Variants in GALNT16 observed in about 807,000 individuals in gnomAD.
GALNT16 encodes UDP-GalNAc:polypeptide N-acetylgalactosaminyltransferase-like protein 1.
GALNT16 carries 40 observed loss-of-function variants against 76.1 expected under a neutral mutation model. That is an observed-to-expected ratio of 0.53 (90% CI 0.41 to 0.68). The LOEUF is 0.68. Ranked by LOEUF, GALNT16 falls within the 30% of genes least tolerant of loss-of-function variation. The pLI is 0.00. For missense variants in GALNT16, 621 were observed against 731.9 expected, an observed-to-expected ratio of 0.85 and a Z score of 1.75; for synonymous variants, 276 against 285.2, an observed-to-expected ratio of 0.97 and a Z score of 0.32.
At chr14:69,270,029 G>T (rs373099280) in intron 1 of GALNT16, among the ~76,000 whole-genome samples, 24 of 152,142 alleles carry the variant, frequency 1.6e-4, no homozygotes, top group African/African-American at 5.8e-4. Context: ...GCCCGCCTTT[G>T]TCTCCTTGTC....
chr14:69,325,416 C>T lies in GALNT16; in HGVS notation c.502+12C>T, dbSNP rs771741160. On this transcript the variant is annotated intron_variant, in intron 4 of 14. Coordinates refer to ENST00000448469, the MANE Select transcript of GALNT16 (RefSeq NM_001168368.2). ...CTTCAGCTCAGATCGTGAGTAGTCACCTTCCTTTTTGCAGCCCTCCATTCC... is the reference window on the plus strand; with the variant it reads ...CTTCAGCTCAGATCGTGAGTAGTCATCTTCCTTTTTGCAGCCCTCCATTCC... 7.2e-6 allele frequency: 11 copies of T among 1,522,116 alleles called. No individual in the cohort carries two copies. The highest frequency in any genetic ancestry group is 4.5e-5 in the East Asian group (2 of 44,480). 94.3% of individuals were successfully genotyped at this position (1,522,116 alleles called of 1,614,324 possible). A position where few individuals can be genotyped will look rare whatever the true frequency, so the allele number is the denominator to read the frequency against.
chr14:69,322,990 A>ACGCG lies in GALNT16; in HGVS notation c.336-1698_336-1695dup, dbSNP rs1235629233. The stretch of plus-strand genomic sequence containing the variant: ...TGTGTGTGTGTGTGTGTGCGCGCGC[A>ACGCG]CGCGCGCACGCATGCACACGTGTAG... On this transcript the variant is annotated intron_variant, in intron 2 of 14. Coordinates refer to ENST00000448469, the MANE Select transcript of GALNT16 (RefSeq NM_001168368.2). Among the ~76,000 whole-genome samples the ACGCG allele has an allele frequency of 4.5e-3, 103 of 22,676 alleles. 5 individuals are homozygous for ACGCG. The highest frequency in any genetic ancestry group is 0.017 in the African/African-American group (93 of 5,494). The allele number at this position is 22,676 out of a possible 152,430, so 14.9% of individuals were successfully genotyped here.
intron 12 of GALNT16, among the ~76,000 whole-genome samples, chr14:69,345,702 C>CTGTGTGTGTGTGTG (rs1491322689): frequency 1.8e-5 from 1 of 54,628 alleles, no homozygotes; most frequent in East Asian, 4.6e-4. Context: ...CATAAGGTGT[C>CTGTGTGTGTGTGTG]AGTGTGTGTG....
rs1048356181 is a variant in GALNT16 at position 69,261,397 on chromosome 14, G to A, written c.177+930G>A. ...CGGGAGGCTTTGGCACCCGCCGAGA[G>A]TGCGCTCGAGCGGGCGCATTCTTCC... On this transcript the variant is annotated intron_variant, in intron 1 of 14. Transcript: ENST00000448469. This position sits in a 1 kb window ranked among gnomAD's most constrained non-coding sequence, Gnocchi z 6.4. Among the ~76,000 whole-genome samples the A allele has an allele frequency of 3.3e-5, 5 of 152,186 alleles. No homozygotes were observed. Among genetic ancestry groups the A allele is most frequent in the Non-Finnish European group, 7.3e-5 (5 of 68,032 alleles).
intron 1 of GALNT16, among the ~76,000 whole-genome samples, chr14:69,305,297 G>A (rs1426142203): frequency 6.0e-5 from 9 of 151,254 alleles, no homozygotes; most frequent in Non-Finnish European, 1.2e-4. Flanking sequence ...CCAAGTAGCT[G>A]CGATTACAGA....
At chr14:69,318,187 A>G (rs921390555) in intron 1 of GALNT16, among the ~76,000 whole-genome samples, 3 of 152,216 alleles carry the variant, frequency 2.0e-5, no homozygotes, top group Non-Finnish European at 4.4e-5. Flanking sequence ...AAACCCTGAT[A>G]CCACCTGGAG....
At chr14:69,264,819 C>CTTTTTT (rs60818532) in intron 1 of GALNT16, among the ~76,000 whole-genome samples, 14,347 of 96,424 alleles carry the variant, frequency 0.15, 2,175 homozygotes, top group South Asian at 0.28. Context: ...CTTTTTCTTT[C>CTTTTTT]TTTTTTTTTT....
intron 1 of GALNT16, among the ~76,000 whole-genome samples, chr14:69,297,238 C>G (rs1039770673): frequency 6.6e-6 from 1 of 152,182 alleles, no homozygotes; most frequent in Non-Finnish European, 1.5e-5. Context: ...GCGGTCGTAT[C>G]GATTGACACT....
chr14:69,322,930 GTGTGT>G (rs2045213502), intron 2 of GALNT16, among the ~76,000 whole-genome samples: 5 of 37,130 alleles, frequency 1.3e-4, no homozygotes, highest in South Asian at 1.6e-3. Flanking sequence ...CACGGGGTGT[GTGTGT>G]GTGTGTGTGT....
intron 12 of GALNT16, among the ~76,000 whole-genome samples, chr14:69,342,684 C>T (rs555395431): frequency 2.0e-5 from 3 of 152,210 alleles, no homozygotes; most frequent in African/African-American, 4.8e-5. Context: ...AATGAGAAAA[C>T]AAAATGCAAA....
intron 1 of GALNT16, among the ~76,000 whole-genome samples, chr14:69,296,910 T>C (rs888598986): frequency 3.9e-5 from 6 of 152,226 alleles, no homozygotes; most frequent in Admixed American, 2.0e-4. Context: ...CCTTGATTTC[T>C]TTTTCACTTA....
intron 1 of GALNT16, among the ~76,000 whole-genome samples, chr14:69,264,123 A>G (rs2044310658): frequency 6.6e-6 from 1 of 152,144 alleles, no homozygotes; most frequent in South Asian, 2.1e-4. Context: ...ATGGAATTTC[A>G]CTTTACATTT....
At chr14:69,342,503 A>AGGGG (rs2045503944) in intron 12 of GALNT16, among the ~76,000 whole-genome samples, 1 of 47,024 alleles carries the variant, frequency 2.1e-5, no homozygotes, top group Non-Finnish European at 4.2e-5. Context: ...GGAGGGAGGG[A>AGGGG]GGGAGGAAGG....
intron 1 of GALNT16, among the ~76,000 whole-genome samples, chr14:69,314,611 AG>A (rs1393520478): frequency 3.3e-5 from 5 of 152,218 alleles, no homozygotes; most frequent in Admixed American, 6.5e-5. Flanking sequence ...AGGCTCAGGG[AG>A]GCCCTGTGGA....
intron 1 of GALNT16, among the ~76,000 whole-genome samples, chr14:69,272,596 T>C (rs1208340022): frequency 6.6e-6 from 1 of 152,184 alleles, no homozygotes; most frequent in Non-Finnish European, 1.5e-5. Flanking sequence ...AGACTACATG[T>C]ACAGTGTTTA....
chr14:69,337,120 A>T (rs1415599030), intron 9 of GALNT16, among the ~76,000 whole-genome samples: 3 of 152,184 alleles, frequency 2.0e-5, no homozygotes, highest in African/African-American at 7.2e-5. Context: ...CTGCTAGAGT[A>T]CAAGGGAATC....
chr14:69,271,395 C>T (rs1180145968), intron 1 of GALNT16, among the ~76,000 whole-genome samples: 1 of 152,186 alleles, frequency 6.6e-6, no homozygotes, highest in Non-Finnish European at 1.5e-5. Flanking sequence ...AGAAAGGGCC[C>T]TGGCAGAGAG....
At chr14:69,368,205 T>C in the GALNT16 span, among the ~76,000 whole-genome samples, 1,046 of 152,294 alleles carry the variant, frequency 6.9e-3, 8 homozygotes, top group African/African-American at 0.024. Flanking sequence ...GAAACTTCCA[T>C]TTTATTATAG....
chr14:69,285,109 C>G (rs145810441), intron 1 of GALNT16, among the ~76,000 whole-genome samples: 1 of 147,392 alleles, frequency 6.8e-6, no homozygotes, highest in East Asian at 2.0e-4. Context: ...AGCAAGATCT[C>G]GGCTCACTGC....
Sources: gnomAD v4.1 joint callset for allele counts (sites outside exome capture counted in the v4.1 genomes callset) on GRCh38, gnomAD v4.1.1 for gene constraint, Gnocchi (gnomAD v3.1) non-coding constraint, MANE v1.5 for transcripts, NCBI Gene and HGNC (gene_info 2026-07-23, HGNC 2026-07-21) for gene names.